Variants in GPATCH1 observed in about 807,000 individuals in gnomAD.
The protein encoded by GPATCH1 is G-patch domain containing 1.
Under a neutral mutation model 114.9 loss-of-function variants are expected in GPATCH1, and 73 were observed. That is an observed-to-expected ratio of 0.64 (90% confidence interval 0.53 to 0.77). GPATCH1 has a LOEUF of 0.77. GPATCH1 is among the 30% of genes least tolerant of loss of function. GPATCH1 has a pLI of 0.00. For synonymous variants in GPATCH1, 391 were observed against 428.4 expected, an observed-to-expected ratio of 0.91 and a Z score of 1.08; for missense variants, 1,058 against 1,144.3, an observed-to-expected ratio of 0.92 and a Z score of 1.09.
intron 15 of GPATCH1, among the ~76,000 whole-genome samples, chr19:33,115,669 T>A (rs1209451557): frequency 6.6e-6 from 1 of 151,984 alleles, no homozygotes; most frequent in Non-Finnish European, 1.5e-5. Context: ...TAATTTTGTA[T>A]TTTTAGTAGA....
rs775377805 is a variant in GPATCH1, at chr19:33,095,771, T to C, written c.563T>C (p.Val188Ala). Residue 188 changes from valine (V) to alanine (A), a missense_variant, in exon 6 of 20, where the codon GTC becomes GCC. Physicochemically the swap from Val to Ala is moderately conservative, Grantham distance 64. This residue lies in a region of GPATCH1 where 893 missense variants were observed against 977.4 expected (regional missense o/e 0.91). Transcript: ENST00000170564. ...GAAATCTCTTTTCTAGATCCTGGAG[T>C]CAAAATCTATGGCTGTGCATTACCC... ...RPRRQKPDPG[V>A]KIYGCALPPG... 2.5e-6 allele frequency: 4 copies of C among 1,609,614 alleles called. 1 individual carries two copies. In the South Asian group the frequency reaches 4.4e-5, roughly 18 times the overall value.
chr19:33,116,283 G>A lies in GPATCH1; in HGVS notation c.2197-1542G>A, dbSNP rs185558552. On this transcript the variant is annotated intron_variant, in intron 15 of 19. Transcript: ENST00000170564. ...CATATTTTAAAAGAACCGATGCAGA[G>A]ACAATAGCCTACTCTGTTTAATCAG... 2.7e-3 allele frequency among the ~76,000 whole-genome samples: 408 copies of A among 152,262 alleles called. 2 individuals carry two copies. The highest frequency in any genetic ancestry group is 6.8e-3 in the Middle Eastern group (2 of 294).
chr19:33,126,404 T>C (rs767350744), intron 18 of GPATCH1, among the ~76,000 whole-genome samples, 184 bp from the exon 19 acceptor site: 1 of 152,154 alleles, frequency 6.6e-6, no homozygotes, highest in Non-Finnish European at 1.5e-5. Flanking sequence ...GGGTGCGCAG[T>C]TGAGAGTGGC....
At chr19:33,103,888 C>A (rs938043727) in intron 9 of GPATCH1, among the ~76,000 whole-genome samples, 4 of 151,910 alleles carry the variant, frequency 2.6e-5, no homozygotes, top group African/African-American at 9.7e-5. Flanking sequence ...GGGTTCCTGG[C>A]GCTTCTCTGG....
chr19:33,086,287 A>T (rs577384925), intron 1 of GPATCH1, among the ~76,000 whole-genome samples: 14 of 152,260 alleles, frequency 9.2e-5, no homozygotes, highest in African/African-American at 3.4e-4. Flanking sequence ...CTTTAGAGGG[A>T]AAAGACATTG....
At position 33,113,118 on chromosome 19, in the gene GPATCH1, TCAAA is replaced by T. The variant is rs547873403; in HGVS notation, c.1892+524_1892+527del. On this transcript the variant is annotated intron_variant, in intron 13 of 19. Coordinates refer to ENST00000170564, the MANE Select transcript of GPATCH1 (RefSeq NM_018025.3). Reference sequence around the variant, plus strand: ...ATAGTAAGACCCCATCTCTAAAAAATCAAACAAACAAACAAACAAACAGAACACT... The same window carrying T: ...ATAGTAAGACCCCATCTCTAAAAAATCAAACAAACAAACAAACAGAACACT... 77 of 155,736 alleles carry T rather than the reference TCAAA, an allele frequency of 4.9e-4. No homozygotes were observed. The South Asian group carries it at 8.7e-3, about 18-fold the overall frequency. The allele number at this position is 155,736 out of a possible 1,614,324, so 9.6% of individuals were successfully genotyped here. A position where few individuals can be genotyped will look rare whatever the true frequency, so the allele number is the denominator to read the frequency against.
intron 6 of GPATCH1, 48 bp from the exon 7 acceptor site, chr19:33,096,159 T>C: frequency 6.3e-7 from 1 of 1,592,058 alleles, no homozygotes; most frequent in Non-Finnish European, 8.6e-7. Flanking sequence ...GTGGGTTTAC[T>C]TTGCATCCTT....
rs746794425 is a variant in GPATCH1 at position 33,130,205 on chromosome 19, A to G, written c.*45A>G. 19 of 1,361,036 alleles carry G rather than the reference A, an allele frequency of 1.4e-5. No individual in the cohort carries two copies. In the South Asian group the frequency reaches 2.1e-4, roughly 15 times the overall value. 84.3% of individuals were successfully genotyped at this position (1,361,036 alleles called of 1,614,324 possible). ...GTCCTAGAATCATTTCTCCTCCATG[A>G]TGGAAGCCCAGTGATTGTTCAGTTA... On this transcript the variant is annotated 3_prime_UTR_variant, in exon 20 of 20. Coordinates refer to ENST00000170564, the MANE Select transcript of GPATCH1 (RefSeq NM_018025.3).
intron 9 of GPATCH1, among the ~76,000 whole-genome samples, chr19:33,102,134 G>C (rs573472074): frequency 8.0e-4 from 122 of 151,654 alleles, no homozygotes; most frequent in Non-Finnish European, 1.5e-3. Context: ...AGGAGTTTGA[G>C]ACCACCCTGG....
chr19:33,126,346 C>T (rs1358153669), intron 18 of GPATCH1, among the ~76,000 whole-genome samples: 1 of 152,102 alleles, frequency 6.6e-6, no homozygotes, highest in East Asian at 1.9e-4. Context: ...GTCCTGTCTG[C>T]GCCTTCTTGG....
At chr19:33,083,183 G>C (rs1321753493) in intron 1 of GPATCH1, among the ~76,000 whole-genome samples, 1 of 145,658 alleles carries the variant, frequency 6.9e-6, no homozygotes, top group Non-Finnish European at 1.5e-5. Context: ...GGCAGAGCTT[G>C]CAGTGAGCCA....
intron 9 of GPATCH1, among the ~76,000 whole-genome samples, chr19:33,106,481 C>T (rs1278744615): frequency 6.6e-6 from 1 of 152,042 alleles, no homozygotes; most frequent in East Asian, 1.9e-4. Flanking sequence ...TTCGAAATGC[C>T]TGACCACTGG....
At position 33,126,702 on chromosome 19, in the gene GPATCH1, G is replaced by A. The variant is rs752781379; in HGVS notation, c.2734G>A (p.Ala912Thr). The change falls in exon 19 of 20, where the codon GCA (alanine) becomes ACA (threonine). Residue 912 changes from alanine (A) to threonine (T), a missense_variant. By Grantham distance (58) the Ala-to-Thr change is moderately conservative. This residue lies in a region of GPATCH1 where 893 missense variants were observed against 977.4 expected (regional missense o/e 0.91). Coordinates refer to ENST00000170564, the MANE Select transcript of GPATCH1 (RefSeq NM_018025.3). ...SSDSQSDEET[A>T]DVSPQELLRR... Reference sequence around the variant, plus strand: ...CGACAGCCAGAGTGACGAGGAAACCGCAGACGTGTCGCCCCAGGAGCTGCT... The same window carrying A: ...CGACAGCCAGAGTGACGAGGAAACCACAGACGTGTCGCCCCAGGAGCTGCT... 29 of 1,613,738 alleles carry A rather than the reference G, an allele frequency of 1.8e-5. No individual in the cohort carries two copies. The highest frequency in any genetic ancestry group is 1.6e-4 in the Middle Eastern group (1 of 6,062).
At chr19:33,128,234 T>C (rs1454865740) in intron 19 of GPATCH1, among the ~76,000 whole-genome samples, 1 of 151,756 alleles carries the variant, frequency 6.6e-6, no homozygotes, top group Admixed American at 6.6e-5. Context: ...ACTGTAAGTG[T>C]GCACCACCAC....
At position 33,103,570 on chromosome 19, in the gene GPATCH1, A is replaced by G. The variant is rs1043708615; in HGVS notation, c.1080+1996A>G. On this transcript the variant is annotated intron_variant, in intron 9 of 19. Coordinates refer to ENST00000170564, the MANE Select transcript of GPATCH1 (RefSeq NM_018025.3). ...ACAAAAATTAGCCAGGCATGGTGGT[A>G]CGTGTCTGTAAACCCAGCTACTTGG... 2.0e-5 allele frequency among the ~76,000 whole-genome samples: 3 copies of G among 152,018 alleles called. No individual in the cohort carries two copies. In the East Asian group the frequency reaches 5.8e-4, roughly 29 times the overall value.
chr19:33,099,327 TA>T (rs1197364555), intron 8 of GPATCH1, among the ~76,000 whole-genome samples: 4 of 151,884 alleles, frequency 2.6e-5, no homozygotes, highest in Admixed American at 6.6e-5. Flanking sequence ...CTTTAATAAT[TA>T]ATGATATGTA....
chr19:33,108,516 T>G (rs1972813131), intron 10 of GPATCH1, among the ~76,000 whole-genome samples: 1 of 152,036 alleles, frequency 6.6e-6, no homozygotes, highest in Admixed American at 6.6e-5. Context: ...GGCTCTTTTT[T>G]TTTTTAGCTT....
chr19:33,127,432 C>T (rs1357428168), intron 19 of GPATCH1, among the ~76,000 whole-genome samples: 4 of 150,280 alleles, frequency 2.7e-5, no homozygotes, highest in Non-Finnish European at 4.4e-5. Flanking sequence ...AGGAGAATGG[C>T]GTCAACCTGG....
intron 9 of GPATCH1, among the ~76,000 whole-genome samples, chr19:33,102,478 C>T (rs953391051): frequency 4.1e-5 from 6 of 146,190 alleles, no homozygotes; most frequent in South Asian, 2.2e-4. Context: ...CTCACCGCAA[C>T]CTCCGCCTCC....
Sources: allele counts gnomAD v4.1 joint callset (sites outside exome capture counted in the v4.1 genomes callset), GRCh38; gene constraint gnomAD v4.1.1; regional missense constraint gnomAD v4.1.1; transcripts MANE v1.5; gene names NCBI Gene and HGNC (gene_info 2026-07-23, HGNC 2026-07-21).